The following AGMO variants were observed in gnomAD, a reference collection of about 807,000 sequenced individuals.
AGMO encodes alkylglycerol monooxygenase.
In AGMO, 75 loss-of-function variants were observed where a neutral mutation model predicts 60.2. The observed-to-expected ratio is 1.25, with a 90% confidence interval of 1.03 to 1.51. The LOEUF is 1.51. AGMO is among the 40% of genes most tolerant of loss of function. The probability of loss-of-function intolerance (pLI) is 0.00; values close to 1 mark genes in which losing one functional copy is unlikely to be tolerated. For missense variants in AGMO, 763 were observed against 525.5 expected (o/e 1.45, Z -4.42); for synonymous variants, 261 against 177.1 (o/e 1.47, Z -3.76).
intron 10 of AGMO, among the ~76,000 whole-genome samples, chr7:15,377,775 A>C (rs931068126): frequency 2.0e-5 from 3 of 152,034 alleles, no homozygotes; most frequent in African/African-American, 7.2e-5. Context: ...CTTGGGGAGA[A>C]CATATTAAGT....
chr7:15,377,121 G>T (rs1203259273), intron 10 of AGMO, among the ~76,000 whole-genome samples: 2 of 152,026 alleles, frequency 1.3e-5, no homozygotes, highest in East Asian at 3.8e-4. Flanking sequence ...AAATATTGCT[G>T]TTGGATTTTA....
chr7:15,299,418 G>A (rs1191176718), intron 12 of AGMO, among the ~76,000 whole-genome samples: 2 of 152,076 alleles, frequency 1.3e-5, no homozygotes, highest in Non-Finnish European at 1.5e-5. Flanking sequence ...GAGAAAATAT[G>A]TAGTAAATTA....
chr7:15,320,195 G>A (rs1401932808), intron 12 of AGMO, among the ~76,000 whole-genome samples: 9 of 151,686 alleles, frequency 5.9e-5, no homozygotes, highest in East Asian at 1.9e-4. Context: ...ACACCACCAC[G>A]GCACACGTAT....
chr7:15,501,310 G>A (rs914655410), intron 3 of AGMO, among the ~76,000 whole-genome samples: 2 of 151,920 alleles, frequency 1.3e-5, no homozygotes, highest in Admixed American at 6.6e-5. Context: ...ATTTTCATAG[G>A]TGAAATACGA....
rs1781267808 is a variant in AGMO at position 15,201,143 on chromosome 7, A to G, written c.*142T>C. On this transcript the variant is annotated 3_prime_UTR_variant, in exon 13 of 13. Coordinates refer to ENST00000342526, the MANE Select transcript of AGMO (RefSeq NM_001004320.2). ...TAGAAAATAACAAATGTGAAAGGCA[A>G]ACAATAGTAAATAAGTAATTTTACT... 2 of 524,036 alleles carry G rather than the reference A, an allele frequency of 3.8e-6. No homozygotes were observed. The highest frequency in any genetic ancestry group is 4.0e-5 in the Admixed American group (1 of 24,702). The allele number at this position is 524,036 out of a possible 1,614,324, so 32.5% of individuals were successfully genotyped here.
intron 5 of AGMO, among the ~76,000 whole-genome samples, chr7:15,412,993 A>G (rs1216199000): frequency 6.6e-6 from 1 of 152,206 alleles, no homozygotes; most frequent in Non-Finnish European, 1.5e-5. Context: ...AATGCGATTC[A>G]TATCAAGTAA....
intron 12 of AGMO, among the ~76,000 whole-genome samples, chr7:15,276,936 G>A (rs1783813788): frequency 6.8e-6 from 1 of 148,072 alleles, no homozygotes; most frequent in Non-Finnish European, 1.5e-5. Context: ...TCATTTCCTG[G>A]ATTGCCTTTC....
intron 3 of AGMO, among the ~76,000 whole-genome samples, chr7:15,522,720 T>C (rs767263702): frequency 6.6e-6 from 1 of 152,150 alleles, no homozygotes; most frequent in Non-Finnish European, 1.5e-5. Context: ...GATTTAAACA[T>C]AGGTCCTCAA....
intron 3 of AGMO, among the ~76,000 whole-genome samples, chr7:15,543,578 T>C (rs1784689105): frequency 6.6e-6 from 1 of 152,102 alleles, no homozygotes. Flanking sequence ...TAGAACACAT[T>C]ACTTAGAATT....
chr7:15,158,687 C>T, the AGMO span, among the ~76,000 whole-genome samples: 2 of 152,256 alleles, frequency 1.3e-5, no homozygotes, highest in South Asian at 2.1e-4. Context: ...AAAGCAGAAT[C>T]GTTCAGTCTG....
At chr7:15,316,709 T>G (rs1443784978) in intron 12 of AGMO, among the ~76,000 whole-genome samples, 1 of 152,220 alleles carries the variant, frequency 6.6e-6, no homozygotes, top group East Asian at 1.9e-4. Context: ...AACAGGCTAA[T>G]GTATTTAGTA....
At chr7:15,489,129 T>A (rs557106382) in intron 3 of AGMO, among the ~76,000 whole-genome samples, 76 of 152,328 alleles carry the variant, frequency 5.0e-4, no homozygotes, top group Non-Finnish European at 9.1e-4. Context: ...TGTTTTTAAA[T>A]TTGGGAAAGT....
At chr7:15,478,314 G>A (rs1287211273) in intron 3 of AGMO, among the ~76,000 whole-genome samples, 2 of 152,094 alleles carry the variant, frequency 1.3e-5, no homozygotes, top group African/African-American at 4.8e-5. Flanking sequence ...TAACTTGTTT[G>A]TCTATGAAAC....
At chr7:15,523,522 A>G (rs1784053722) in intron 3 of AGMO, among the ~76,000 whole-genome samples, 1 of 152,114 alleles carries the variant, frequency 6.6e-6, no homozygotes, top group Non-Finnish European at 1.5e-5. Flanking sequence ...ATGAGTTTAC[A>G]TCCTTTACAG....
chr7:15,420,936 G>T (rs1314470680), intron 4 of AGMO, among the ~76,000 whole-genome samples: 1 of 152,110 alleles, frequency 6.6e-6, no homozygotes, highest in African/African-American at 2.4e-5. Flanking sequence ...GGCTATAATG[G>T]AGAAAAACAA....
intron 5 of AGMO, among the ~76,000 whole-genome samples, chr7:15,400,126 C>G (rs1583511536): frequency 6.6e-6 from 1 of 152,076 alleles, no homozygotes; most frequent in East Asian, 1.9e-4. Context: ...TGTGCCTTAC[C>G]ATTCTCTGTG....
At chr7:15,435,084 T>C (rs1377028176) in intron 3 of AGMO, among the ~76,000 whole-genome samples, 2 of 152,126 alleles carry the variant, frequency 1.3e-5, no homozygotes, top group Admixed American at 1.3e-4. Context: ...TCAATGACTA[T>C]ATCACAGTTT....
Position 15,375,386 on chromosome 7 carries a change from ATTTTTTTTTT to A in AGMO, c.1075-9174_1075-9165del, listed in dbSNP as rs71004377. On this transcript the variant is annotated intron_variant, in intron 10 of 12. Coordinates refer to ENST00000342526, the MANE Select transcript of AGMO (RefSeq NM_001004320.2). Reference sequence around the variant, plus strand: ...CAGATCAGACTTTCTTTCTAAAAGGATTTTTTTTTTTTTTTTTTTTTTTTTTTGAGACAGA... The same window carrying A: ...CAGATCAGACTTTCTTTCTAAAAGGATTTTTTTTTTTTTTTTTGAGACAGA... Among the ~76,000 whole-genome samples the A allele has an allele frequency of 2.3e-3, 253 of 109,448 alleles. 1 individual carries two copies. Among genetic ancestry groups the A allele is most frequent in the Non-Finnish European group, 3.2e-3 (183 of 56,594 alleles). 71.8% of individuals were successfully genotyped at this position (109,448 alleles called of 152,430 possible).
At chr7:15,181,121 C>A in the AGMO span, among the ~76,000 whole-genome samples, 1 of 152,150 alleles carries the variant, frequency 6.6e-6, no homozygotes, top group Non-Finnish European at 1.5e-5. Context: ...AATATTGTTA[C>A]AAAGACAATT....
Sources: allele counts gnomAD v4.1 joint callset (sites outside exome capture counted in the v4.1 genomes callset), GRCh38; gene constraint gnomAD v4.1.1; transcripts MANE v1.5; gene names NCBI Gene and HGNC (gene_info 2026-07-23, HGNC 2026-07-21).